Variants in ABTB3 observed in about 807,000 individuals in gnomAD.
ABTB3 encodes the protein ankyrin repeat and BTB domain containing 3, also known as ankyrin repeat- and BTB/POZ domain-containing protein 3.
the ABTB3 span, among the ~76,000 whole-genome samples, chr12:107,580,223 G>GC: frequency 1.3e-5 from 2 of 152,162 alleles, no homozygotes; most frequent in Non-Finnish European, 2.9e-5. Context: ...CCTGTATCCA[G>GC]CTGCACCCTA....
chr12:107,559,087 G>A, the ABTB3 span, among the ~76,000 whole-genome samples: 2 of 152,216 alleles, frequency 1.3e-5, no homozygotes, highest in Admixed American at 6.5e-5. Context: ...CACAGAGTGG[G>A]TGGGGAAGAG....
the ABTB3 span, among the ~76,000 whole-genome samples, chr12:107,448,818 G>T: frequency 6.6e-6 from 1 of 152,042 alleles, no homozygotes; most frequent in Middle Eastern, 3.4e-3. Flanking sequence ...TGGTCCGCCC[G>T]CCTCGTCCTC....
chr12:107,527,582 G>GTT, the ABTB3 span, among the ~76,000 whole-genome samples: 181 of 146,130 alleles, frequency 1.2e-3, no homozygotes, highest in Admixed American at 2.2e-3. Context: ...AAGAGTTTTT[G>GTT]TTTTTTTTTT....
At chr12:107,355,074 G>C in the ABTB3 span, among the ~76,000 whole-genome samples, 3 of 152,158 alleles carry the variant, frequency 2.0e-5, no homozygotes, top group Non-Finnish European at 2.9e-5. Context: ...ATGTTTGAGG[G>C]GTCCCTCGCC....
At chr12:107,516,238 T>TA in the ABTB3 span, among the ~76,000 whole-genome samples, 1 of 151,920 alleles carries the variant, frequency 6.6e-6, no homozygotes, top group Non-Finnish European at 1.5e-5. Context: ...CTTTTTTTTT[T>TA]TATTTTTTTG....
chr12:107,484,728 G>A, the ABTB3 span, among the ~76,000 whole-genome samples: 2 of 152,264 alleles, frequency 1.3e-5, no homozygotes, highest in East Asian at 3.9e-4. Context: ...AATGAAGGTA[G>A]CAGATGAAGT....
the ABTB3 span, among the ~76,000 whole-genome samples, chr12:107,555,668 A>T: frequency 1.3e-5 from 2 of 152,218 alleles, no homozygotes; most frequent in African/African-American, 4.8e-5. Context: ...ATTTACGTTT[A>T]AATTGATTCA....
chr12:107,606,212 G>A, the ABTB3 span, among the ~76,000 whole-genome samples: 1 of 152,208 alleles, frequency 6.6e-6, no homozygotes. Flanking sequence ...CATCTGTGGA[G>A]TGGGGCTTCC....
the ABTB3 span, chr12:107,320,665 G>A: frequency 4.4e-6 from 2 of 456,024 alleles, no homozygotes; most frequent in South Asian, 3.1e-5. Context: ...GGTGCGGGAA[G>A]ACTTGTCGGT....
At chr12:107,396,460 A>G in the ABTB3 span, among the ~76,000 whole-genome samples, 2 of 152,212 alleles carry the variant, frequency 1.3e-5, no homozygotes, top group Non-Finnish European at 2.9e-5. Flanking sequence ...TGAATGAGGC[A>G]ATGCATTAAA....
At chr12:107,331,735 G>A in the ABTB3 span, among the ~76,000 whole-genome samples, 1 of 152,292 alleles carries the variant, frequency 6.6e-6, no homozygotes, top group Middle Eastern at 3.4e-3. Context: ...CCATGTCAGT[G>A]CCTCTGATTC....
chr12:107,357,537 A>G, the ABTB3 span, among the ~76,000 whole-genome samples: 1 of 152,282 alleles, frequency 6.6e-6, no homozygotes, highest in Middle Eastern at 3.4e-3. Flanking sequence ...CTTGAGCTTC[A>G]GAGTTTGAGG....
chr12:107,389,846 T>TGTGTGTGTGTGTGTGTG, the ABTB3 span, among the ~76,000 whole-genome samples: 1 of 141,472 alleles, frequency 7.1e-6, no homozygotes, highest in African/African-American at 2.7e-5. Context: ...GTGTGTGTGT[T>TGTGTGTGTGTGTGTGTG]TGTGTGTGTG....
the ABTB3 span, among the ~76,000 whole-genome samples, chr12:107,403,421 G>C: frequency 1.3e-5 from 2 of 152,072 alleles, no homozygotes; most frequent in South Asian, 4.1e-4. Context: ...CTTCCTACCA[G>C]CTACTACATC....
At chr12:107,601,283 A>AG in the ABTB3 span, among the ~76,000 whole-genome samples, 1 of 152,180 alleles carries the variant, frequency 6.6e-6, no homozygotes, top group Non-Finnish European at 1.5e-5. Flanking sequence ...TGCCTCTGTG[A>AG]GGGCAAAGGC....
chr12:107,381,663 TG>T, the ABTB3 span, among the ~76,000 whole-genome samples: 3 of 152,164 alleles, frequency 2.0e-5, no homozygotes, highest in Admixed American at 6.5e-5. Context: ...CTTCAGGAGT[TG>T]GGGCTGTATC....
the ABTB3 span, among the ~76,000 whole-genome samples, chr12:107,569,713 A>G: frequency 1.3e-5 from 2 of 152,244 alleles, no homozygotes; most frequent in East Asian, 3.8e-4. Context: ...TACAAGCATC[A>G]CTTAGATTCA....
chr12:107,610,480 TA>T, the ABTB3 span: 1 of 1,062,962 alleles, frequency 9.4e-7, no homozygotes, highest in Non-Finnish European at 1.3e-6. Flanking sequence ...ACTGACGGCT[TA>T]GATTGCTTGC....
chr12:107,502,766 C>T, the ABTB3 span, among the ~76,000 whole-genome samples: 18 of 152,158 alleles, frequency 1.2e-4, no homozygotes, highest in African/African-American at 3.6e-4. Flanking sequence ...AGTGTGCACG[C>T]GAGGGATCTA....
Sources: allele counts gnomAD v4.1 joint callset (sites outside exome capture counted in the v4.1 genomes callset), GRCh38; gene constraint gnomAD v4.1.1; transcripts MANE v1.5; gene names NCBI Gene and HGNC (gene_info 2026-07-23, HGNC 2026-07-21).